Variants in DAB1 observed in about 807,000 individuals in gnomAD.
DAB1 encodes the protein DAB adaptor protein 1, also known as disabled homolog 1.
DAB1 carries 15 observed loss-of-function variants against 64.6 expected under a neutral mutation model. That is an observed-to-expected ratio of 0.23 (90% CI 0.16 to 0.36). DAB1 has a LOEUF of 0.36. Ranked by LOEUF, DAB1 falls within the 10% of genes least tolerant of loss-of-function variation. DAB1 has a pLI of 1.00. For synonymous variants in DAB1, 235 were observed against 251.9 expected (o/e 0.93, Z 0.64); for missense variants, 596 against 706.7 (o/e 0.84, Z 1.78).
At chr1:58,433,596 A>AGT (rs71580866) in intron 3 of DAB1, among the ~76,000 whole-genome samples, 1,733 of 79,708 alleles carry the variant, frequency 0.022, 35 homozygotes, top group African/African-American at 0.075. Context: ...AGAGAGAGAG[A>AGT]GTGTGTGTGT....
At chr1:57,381,529 T>C (rs1384679462) in intron 1 of DAB1, among the ~76,000 whole-genome samples, 1 of 152,146 alleles carries the variant, frequency 6.6e-6, no homozygotes, top group South Asian at 2.1e-4. Context: ...ATGCTTGCTG[T>C]GTTCTCTCTC....
chr1:58,408,196 G>T (rs1386016128), intron 3 of DAB1, among the ~76,000 whole-genome samples: 2 of 152,146 alleles, frequency 1.3e-5, no homozygotes, highest in East Asian at 1.9e-4. Context: ...GAGACCCAGT[G>T]ATCTGACAGA....
At chr1:58,073,651 G>A (rs1649413646) in intron 5 of DAB1, among the ~76,000 whole-genome samples, 1 of 152,162 alleles carries the variant, frequency 6.6e-6, no homozygotes, top group South Asian at 2.1e-4. Context: ...CATACTTTCT[G>A]GGTTTTGAAA....
chr1:57,787,870 T>C (rs1283143875), intron 6 of DAB1, among the ~76,000 whole-genome samples: 1 of 151,742 alleles, frequency 6.6e-6, no homozygotes, highest in South Asian at 2.1e-4. Flanking sequence ...ATGTACTTCA[T>C]CAGAAAAAGA....
intron 5 of DAB1, among the ~76,000 whole-genome samples, chr1:57,905,273 C>T (rs1225014963): frequency 6.6e-6 from 1 of 151,754 alleles, no homozygotes; most frequent in African/African-American, 2.4e-5. Context: ...TTCCTCCTTC[C>T]ACGCTTTCTT....
At chr1:58,466,974 G>C (rs1007858237) in intron 3 of DAB1, among the ~76,000 whole-genome samples, 2 of 152,208 alleles carry the variant, frequency 1.3e-5, no homozygotes, top group Non-Finnish European at 1.5e-5. Context: ...ACATGAGTGA[G>C]TGGCCTCACA....
chr1:58,274,572 C>A (rs113643915), intron 4 of DAB1, among the ~76,000 whole-genome samples: 143,180 of 145,048 alleles, frequency 0.99, 70,680 homozygotes, highest in Middle Eastern at 1. Context: ...TACCTAAGCA[C>A]GCCTGGGCAA....
At chr1:58,401,365 T>C (rs1379446987) in intron 3 of DAB1, among the ~76,000 whole-genome samples, 1 of 152,184 alleles carries the variant, frequency 6.6e-6, no homozygotes, top group Non-Finnish European at 1.5e-5. Flanking sequence ...ATAAGGGGGA[T>C]AGGAGTGGAA....
At chr1:58,266,038 C>CCCACCACCACCACCA (rs6143228) in intron 4 of DAB1, among the ~76,000 whole-genome samples, 5 of 150,076 alleles carry the variant, frequency 3.3e-5, no homozygotes, top group South Asian at 2.1e-4. Flanking sequence ...ACACATACAC[C>CCCACCACCACCACCA]CCACCACCAC....
chr1:58,509,820 T>G (rs2100424491), intron 2 of DAB1, among the ~76,000 whole-genome samples: 1 of 152,028 alleles, frequency 6.6e-6, no homozygotes, highest in South Asian at 2.1e-4. Flanking sequence ...AGCATACCAT[T>G]GTAACTGATA....
intron 3 of DAB1, among the ~76,000 whole-genome samples, chr1:58,453,210 C>T (rs577594395): frequency 2.4e-4 from 37 of 151,568 alleles, no homozygotes; most frequent in Non-Finnish European, 4.6e-4. Context: ...TAGTGATCAC[C>T]GGGGGGTAGA....
At chr1:57,046,258 T>C (rs1276725607) in intron 9 of DAB1, among the ~76,000 whole-genome samples, 2 of 152,218 alleles carry the variant, frequency 1.3e-5, no homozygotes, top group Non-Finnish European at 2.9e-5. Context: ...TAGATACAGC[T>C]TGCCAAGCAC....
chr1:57,313,879 C>G (rs907192344), intron 1 of DAB1, among the ~76,000 whole-genome samples: 3 of 152,058 alleles, frequency 2.0e-5, no homozygotes, highest in Non-Finnish European at 4.4e-5. Flanking sequence ...CAGAGAAGTC[C>G]CTCACCCCTT....
At chr1:58,213,956 T>C (rs190564478) in intron 4 of DAB1, among the ~76,000 whole-genome samples, 43 of 152,322 alleles carry the variant, frequency 2.8e-4, no homozygotes, top group Middle Eastern at 3.4e-3. Flanking sequence ...AAAGGGCTTT[T>C]AATTGTAATC....
intron 6 of DAB1, among the ~76,000 whole-genome samples, chr1:57,681,091 G>A (rs1280458980): frequency 2.0e-5 from 3 of 152,228 alleles, no homozygotes; most frequent in Admixed American, 6.5e-5. Context: ...TTGAGACCAA[G>A]ATGTCAGCAG....
At chr1:57,210,117 G>A (rs1314508054) in intron 2 of DAB1, among the ~76,000 whole-genome samples, 1 of 152,152 alleles carries the variant, frequency 6.6e-6, no homozygotes. Context: ...GCAGAAAAAT[G>A]TCTAAAACGG....
intron 9 of DAB1, among the ~76,000 whole-genome samples, chr1:57,061,228 T>TGCGGGG (rs796808475): frequency 8.7e-6 from 1 of 114,744 alleles, no homozygotes; most frequent in African/African-American, 3.4e-5. Flanking sequence ...CATATTTAGA[T>TGCGGGG]GGGGGGGGGG....
chr1:58,178,351 T>G (rs970190066), intron 4 of DAB1, among the ~76,000 whole-genome samples: 4 of 152,170 alleles, frequency 2.6e-5, no homozygotes, highest in Admixed American at 1.3e-4. Flanking sequence ...TACGCTATTA[T>G]GGGCTGAAGT....
intron 4 of DAB1, among the ~76,000 whole-genome samples, chr1:57,094,436 T>C (rs1653974376): frequency 6.6e-6 from 1 of 152,130 alleles, no homozygotes; most frequent in Admixed American, 6.5e-5. Context: ...CTTATGTACA[T>C]GCAGATTTGG....
Sources: gnomAD v4.1 joint callset for allele counts (sites outside exome capture counted in the v4.1 genomes callset) on GRCh38, gnomAD v4.1.1 for gene constraint, MANE v1.5 for transcripts, NCBI Gene and HGNC (gene_info 2026-07-23, HGNC 2026-07-21) for gene names.